Variants in SLC38A3 observed in about 807,000 individuals in gnomAD.
SLC38A3 encodes sodium-coupled neutral amino acid transporter 3.
SLC38A3 carries 17 observed loss-of-function variants against 59.5 expected under a neutral mutation model. The ratio of observed to expected loss-of-function variants is 0.29; its 90% CI spans 0.20 to 0.43. The LOEUF (loss-of-function observed/expected upper bound fraction) is 0.43, where lower values mean the gene tolerates loss of function less well. Ranked by LOEUF, SLC38A3 falls within the 20% of genes least tolerant of loss-of-function variation. The probability of loss-of-function intolerance (pLI) is 1.00; values close to 1 mark genes in which losing one functional copy is unlikely to be tolerated. For missense variants in SLC38A3, 454 were observed against 653.9 expected, an observed-to-expected ratio of 0.69 and a Z score of 3.33; for synonymous variants, 238 against 260.3, an observed-to-expected ratio of 0.91 and a Z score of 0.82.
chr3:50,207,460 G>A (rs1575422341), intron 1 of SLC38A3: 1 of 152,294 alleles, frequency 6.6e-6, no homozygotes, highest in East Asian at 1.9e-4. Flanking sequence ...GACCGCAAGT[G>A]TGCAACATCA....
rs762506613 is a variant in SLC38A3 at position 50,217,387 on chromosome 3, G to A, written c.632-28G>A. On this transcript the variant is annotated intron_variant, in intron 8 of 15. Transcript: ENST00000614032. The surrounding 1 kb of genome is among the most constrained non-coding windows in gnomAD (Gnocchi z 4.9). ...GCATACACCATGGGAGGGGCCCCAG[G>A]TCTCAGAGTGCTCCCTCCACTTTGC... is the stretch of plus-strand genomic sequence containing the variant. The A allele has an allele frequency of 1.9e-6, 3 of 1,612,356 alleles. No individual in the cohort carries two copies. The highest frequency in any genetic ancestry group is 2.5e-6 in the Non-Finnish European group (3 of 1,179,106).
In SLC38A3 at chr3:50,214,251, C is replaced by T; in HGVS notation, c.52C>T (p.His18Tyr). 1 of 1,613,944 alleles carries T rather than the reference C, an allele frequency of 6.2e-7. No individual in the cohort carries two copies. The highest frequency in any genetic ancestry group is 8.5e-7 in the Non-Finnish European group (1 of 1,179,852). The part of the protein sequence containing the change: ...EMVELVPNGK[H>Y]SEGLLPVITP... ...GGTGGAGCTGGTGCCCAATGGCAAACACTCAGAGGGGCTGCTCCCGGTCAT... is the reference window on the plus strand; with the variant it reads ...GGTGGAGCTGGTGCCCAATGGCAAATACTCAGAGGGGCTGCTCCCGGTCAT... Residue 18 changes from histidine (H) to tyrosine (Y), a missense_variant, in exon 2 of 16, where the codon CAC becomes TAC. By Grantham distance (83) the His-to-Tyr change is moderately conservative. Coordinates refer to ENST00000614032, the MANE Select transcript of SLC38A3 (RefSeq NM_006841.6). This position sits in a 1 kb window ranked among gnomAD's most constrained non-coding sequence, Gnocchi z 6.0.
chr3:50,220,545 C>A lies in SLC38A3; in HGVS notation c.*368C>A. 1 of 260,606 alleles carries A rather than the reference C, an allele frequency of 3.8e-6. No individual in the cohort carries two copies. The allele number at this position is 260,606 out of a possible 1,614,324, so 16.1% of individuals were successfully genotyped here. The stretch of plus-strand genomic sequence containing the variant: ...AACATACACAGCTGGGATCAGCCTG[C>A]AGCCATCCCCCGACCCTGCTGCTAG... On this transcript the variant is annotated 3_prime_UTR_variant, in exon 16 of 16. Transcript: ENST00000614032.
intron 1 of SLC38A3, among the ~76,000 whole-genome samples, chr3:50,211,758 T>C (rs1170317487): frequency 1.3e-5 from 2 of 151,958 alleles, no homozygotes; most frequent in Non-Finnish European, 2.9e-5. Context: ...CGGCTAATTT[T>C]GTATTTTTAG....
At chr3:50,209,927 C>G (rs1258885576) in intron 1 of SLC38A3, among the ~76,000 whole-genome samples, 1 of 152,188 alleles carries the variant, frequency 6.6e-6, no homozygotes, top group Non-Finnish European at 1.5e-5. Flanking sequence ...GCCACTTGCA[C>G]TGTTGTGTTG....
Position 50,220,221 on chromosome 3 carries a change from C to G in SLC38A3, c.*44C>G. ...CTGTCTACTCACCCTAGCAGCCCTG[C>G]CCAGACTCTTCAGCCCCTGCTCCCA... On this transcript the variant is annotated 3_prime_UTR_variant, in exon 16 of 16. Coordinates refer to ENST00000614032, the MANE Select transcript of SLC38A3 (RefSeq NM_006841.6). 2 of 1,444,170 alleles carry G rather than the reference C, an allele frequency of 1.4e-6. No homozygotes were observed. Among genetic ancestry groups the G allele is most frequent in the Non-Finnish European group, 1.9e-6 (2 of 1,051,590 alleles). The allele number at this position is 1,444,170 out of a possible 1,614,324, so 89.5% of individuals were successfully genotyped here. A position where few individuals can be genotyped will look rare whatever the true frequency, so the allele number is the denominator to read the frequency against.
chr3:50,207,145 G>T (rs1699659002), intron 1 of SLC38A3, among the ~76,000 whole-genome samples: 1 of 152,216 alleles, frequency 6.6e-6, no homozygotes, highest in Non-Finnish European at 1.5e-5. Flanking sequence ...TGCAGTTTTG[G>T]TGTCTCTGTG....
chr3:50,212,958 C>T (rs572197962), intron 1 of SLC38A3, among the ~76,000 whole-genome samples: 1 of 152,276 alleles, frequency 6.6e-6, no homozygotes, highest in African/African-American at 2.4e-5. Flanking sequence ...CTGGTCTCCA[C>T]TCTGGCCTCA....
In SLC38A3 at chr3:50,218,039, C is replaced by A; in HGVS notation, c.935+43C>A. 6.3e-7 allele frequency: 1 copy of A among 1,584,446 alleles called. No individual in the cohort carries two copies. Among genetic ancestry groups the A allele is most frequent in the South Asian group, 1.1e-5 (1 of 90,108 alleles). On this transcript the variant is annotated intron_variant, in intron 11 of 15. Coordinates refer to ENST00000614032, the MANE Select transcript of SLC38A3 (RefSeq NM_006841.6). The surrounding 1 kb of genome is among the most constrained non-coding windows in gnomAD (Gnocchi z 5.8). ...GGAGTGGGGGTGGGGATGCCCTGAGCTGGTTTGGGGAGAATGGATGTGGTC... is the reference window on the plus strand; with the variant it reads ...GGAGTGGGGGTGGGGATGCCCTGAGATGGTTTGGGGAGAATGGATGTGGTC...
At position 50,217,828 on chromosome 3, in the gene SLC38A3, G is replaced by A. The variant is rs1026936563; in HGVS notation, c.843G>A (p.Thr281=). 10 of 1,614,056 alleles carry A rather than the reference G, an allele frequency of 6.2e-6. No individual in the cohort carries two copies. The highest frequency in any genetic ancestry group is 5.1e-6 in the Non-Finnish European group (6 of 1,179,906). ...CCTTCTGCACTCCCAGCTACTTCAC[G>A]CTCAACTCACAGGTTCTGACAGGTC... The part of the protein sequence containing the change: ...ASAFCTPSYF[T]LNSQTAYTIP... The change falls in exon 10 of 16, where the codon ACG becomes ACA. Residue 281 remains threonine (T), a synonymous_variant. Coordinates refer to ENST00000614032, the MANE Select transcript of SLC38A3 (RefSeq NM_006841.6). The surrounding 1 kb of genome is among the most constrained non-coding windows in gnomAD (Gnocchi z 4.9).
At position 50,217,595 on chromosome 3, in the gene SLC38A3, T is replaced by C. The variant is rs1691262380; in HGVS notation, c.691-81T>C. The C allele has an allele frequency of 6.9e-6, 11 of 1,588,542 alleles. No homozygotes were observed. The highest frequency in any genetic ancestry group is 9.5e-6 in the Non-Finnish European group (11 of 1,161,010). ...GGCCAGAAGGCAGCTCCACCAGTCC[T>C]GATCTAGATGTGGCTTCATGGTGAC... On this transcript the variant is annotated intron_variant, in intron 9 of 15. Transcript: ENST00000614032. This position sits in a 1 kb window ranked among gnomAD's most constrained non-coding sequence, Gnocchi z 4.9.
chr3:50,206,556 A>G (rs939121137), intron 1 of SLC38A3, among the ~76,000 whole-genome samples: 1 of 152,210 alleles, frequency 6.6e-6, no homozygotes, highest in Non-Finnish European at 1.5e-5. Context: ...TCCATTTTGA[A>G]TGGGGGAAAT....
In SLC38A3 at chr3:50,215,341, C is replaced by A. The variant is rs760960001; in HGVS notation, c.300-45C>A. Reference sequence around the variant, plus strand: ...CCTCACCCTCTGCCAGCCACGGTAGCCCCCCAGTGGCCTCTTTTTCTTCCA... The same window carrying A: ...CCTCACCCTCTGCCAGCCACGGTAGACCCCCAGTGGCCTCTTTTTCTTCCA... On this transcript the variant is annotated intron_variant, in intron 4 of 15. Transcript: ENST00000614032. This position sits in a 1 kb window ranked among gnomAD's most constrained non-coding sequence, Gnocchi z 7.1. 1.9e-6 allele frequency: 3 copies of A among 1,572,840 alleles called. No homozygotes were observed. The highest frequency in any genetic ancestry group is 2.7e-5 in the African/African-American group (2 of 74,056).
At position 50,215,021 on chromosome 3, in the gene SLC38A3, G is replaced by T; in HGVS notation, c.299+253G>T. 1.7e-6 allele frequency: 1 copy of T among 579,252 alleles called. No homozygotes were observed. Among genetic ancestry groups the T allele is most frequent in the Non-Finnish European group, 3.1e-6 (1 of 326,266 alleles). 35.9% of individuals were successfully genotyped at this position (579,252 alleles called of 1,614,324 possible). ...ACTGTCCTTTTGGCACCTTACACGT[G>T]ATGGCCAAGCCCCACGGCCAGGCCT... On this transcript the variant is annotated intron_variant, in intron 4 of 15. Transcript: ENST00000614032. The surrounding 1 kb of genome is among the most constrained non-coding windows in gnomAD (Gnocchi z 7.1).
At chr3:50,205,753 C>T (rs1699637532) in intron 1 of SLC38A3, among the ~76,000 whole-genome samples, 1 of 152,222 alleles carries the variant, frequency 6.6e-6, no homozygotes, top group Non-Finnish European at 1.5e-5. Context: ...AGGGGAGGAC[C>T]CAAGAGGGGC....
chr3:50,209,708 C>T (rs1472223558), intron 1 of SLC38A3, among the ~76,000 whole-genome samples: 4 of 152,068 alleles, frequency 2.6e-5, no homozygotes, highest in Non-Finnish European at 4.4e-5. Flanking sequence ...GTCTACCTTC[C>T]GGCCCCAGCT....
chr3:50,216,900 G>T (rs188590165), intron 7 of SLC38A3, among the ~76,000 whole-genome samples: 2 of 152,210 alleles, frequency 1.3e-5, no homozygotes, highest in Non-Finnish European at 2.9e-5. Context: ...AGTCTCCTGA[G>T]TAGCTGAGAT....
In SLC38A3 at chr3:50,214,516, C is replaced by A; in HGVS notation, c.183+33C>A. 6.5e-7 allele frequency: 1 copy of A among 1,537,704 alleles called. No individual in the cohort carries two copies. The highest frequency in any genetic ancestry group is 8.8e-7 in the Non-Finnish European group (1 of 1,133,070). On this transcript the variant is annotated intron_variant, in intron 3 of 15. Coordinates refer to ENST00000614032, the MANE Select transcript of SLC38A3 (RefSeq NM_006841.6). The surrounding 1 kb of genome is among the most constrained non-coding windows in gnomAD (Gnocchi z 6.0). Reference sequence around the variant, plus strand: ...GGGCAGCAACGGGTTTTAGGGGACACTGTGGGGAGCTTGGATGCAGTAATG... The same window carrying A: ...GGGCAGCAACGGGTTTTAGGGGACAATGTGGGGAGCTTGGATGCAGTAATG...
intron 1 of SLC38A3, among the ~76,000 whole-genome samples, chr3:50,206,321 TC>T (rs1699647634): frequency 6.6e-6 from 1 of 152,146 alleles, no homozygotes; most frequent in South Asian, 2.1e-4. Context: ...ATGGAGGACT[TC>T]CCCACTCATG....
Sources: gnomAD v4.1 joint callset for allele counts (sites outside exome capture counted in the v4.1 genomes callset) on GRCh38, gnomAD v4.1.1 for gene constraint, Gnocchi (gnomAD v3.1) non-coding constraint, MANE v1.5 for transcripts, NCBI Gene and HGNC (gene_info 2026-07-23, HGNC 2026-07-21) for gene names.